CRIM1: variants seen among roughly 807,000 people sequenced by gnomAD.
CRIM1 encodes cysteine-rich motor neuron 1 protein.
CRIM1 carries 32 observed loss-of-function variants against 116.4 expected under a neutral mutation model. That is an observed-to-expected ratio of 0.27 (90% CI 0.21 to 0.37). The LOEUF (loss-of-function observed/expected upper bound fraction) is 0.37. Among genes scored for constraint, CRIM1 ranks in the 10% least tolerant of loss-of-function variants. The probability of loss-of-function intolerance (pLI) is 1.00; values close to 1 mark genes in which losing one functional copy is unlikely to be tolerated. For missense variants in CRIM1, 1,331 were observed against 1,354.8 expected (o/e 0.98, Z 0.28); for synonymous variants, 590 against 509.2 (o/e 1.16, Z -2.13).
At position 36,356,370 on chromosome 2, in the gene CRIM1, G is replaced by A; in HGVS notation, c.78G>A (p.Leu26=). Residue 26 remains leucine (L), a synonymous_variant, in exon 1 of 17, where the codon CTG becomes CTA. Coordinates refer to ENST00000280527, the MANE Select transcript of CRIM1 (RefSeq NM_016441.3). This position sits in a 1 kb window ranked among gnomAD's most constrained non-coding sequence, Gnocchi z 4.3. ...TCTCGCTGCTGGGGCTGCTGCTGCT[G>A]CTGGCGCGCTCCGGCACCCGGGCGC... The part of the protein sequence containing the change: ...LLVSLLGLLL[L]LARSGTRALV... The A allele has an allele frequency of 6.3e-7, 1 of 1,595,516 alleles. No individual in the cohort carries two copies. The highest frequency in any genetic ancestry group is 8.5e-7 in the Non-Finnish European group (1 of 1,173,420).
intron 2 of CRIM1, among the ~76,000 whole-genome samples, chr2:36,418,253 A>C (rs1436305020): frequency 1.2e-4 from 18 of 152,210 alleles, no homozygotes; most frequent in Non-Finnish European, 2.9e-5. Context: ...CCCAGGTAAC[A>C]CGACAGACTC....
At chr2:36,424,776 C>G (rs1674327837) in intron 2 of CRIM1, among the ~76,000 whole-genome samples, 1 of 152,214 alleles carries the variant, frequency 6.6e-6, no homozygotes, top group South Asian at 2.1e-4. Context: ...GTTCCTGCCA[C>G]TCATGAGCCT....
chr2:36,518,314 T>G (rs1364895777), intron 12 of CRIM1, among the ~76,000 whole-genome samples: 1 of 152,260 alleles, frequency 6.6e-6, no homozygotes, highest in East Asian at 1.9e-4. Context: ...TTGTTGTTGC[T>G]TCTTATTCCC....
intron 2 of CRIM1, among the ~76,000 whole-genome samples, chr2:36,421,871 C>G (rs1430261764): frequency 6.6e-6 from 1 of 151,748 alleles, no homozygotes; most frequent in East Asian, 1.9e-4. Context: ...TTTTTCAATG[C>G]CTTTGGTAAT....
chr2:36,545,695 A>G (rs1667275926), intron 15 of CRIM1, among the ~76,000 whole-genome samples: 1 of 152,194 alleles, frequency 6.6e-6, no homozygotes, highest in South Asian at 2.1e-4. Context: ...GAACTGGAAG[A>G]CTGAATTTTG....
At chr2:36,494,963 A>G (rs2125076005) in intron 7 of CRIM1, among the ~76,000 whole-genome samples, 1 of 152,282 alleles carries the variant, frequency 6.6e-6, no homozygotes, top group South Asian at 2.1e-4. Context: ...ACCTCTGTGC[A>G]AGGATTTCCT....
intron 2 of CRIM1, among the ~76,000 whole-genome samples, chr2:36,416,908 C>T (rs1673662994): frequency 6.6e-6 from 1 of 152,236 alleles, no homozygotes; most frequent in Admixed American, 6.5e-5. Context: ...GCATGACCAG[C>T]TGTGCAGCTG....
In CRIM1 at chr2:36,451,312, C is replaced by G. The variant is rs1010900007; in HGVS notation, c.869+8577C>G. Among the ~76,000 whole-genome samples, 4 of 152,182 alleles carry G rather than the reference C, an allele frequency of 2.6e-5. No individual in the cohort carries two copies. In the East Asian group the frequency reaches 7.7e-4, roughly 29 times the overall value. ...AACACACAACATGCACACACACACA[C>G]AGTCATCTGCCCTCAAGGAAAGAAT... is the stretch of plus-strand genomic sequence containing the variant. On this transcript the variant is annotated intron_variant, in intron 4 of 16. Transcript: ENST00000280527.
chr2:36,480,442 T>G (rs1298377030), intron 7 of CRIM1, among the ~76,000 whole-genome samples: 1 of 152,214 alleles, frequency 6.6e-6, no homozygotes, highest in African/African-American at 2.4e-5. Context: ...TATCCAGCAT[T>G]AAGAAGTACA....
intron 2 of CRIM1, among the ~76,000 whole-genome samples, chr2:36,421,358 TACTC>T (rs1456989276): frequency 6.6e-6 from 1 of 152,236 alleles, no homozygotes; most frequent in African/African-American, 2.4e-5. Context: ...TTAAAATGCT[TACTC>T]ACTATTACAA....
At chr2:36,518,731 G>A (rs1181466687) in intron 12 of CRIM1, among the ~76,000 whole-genome samples, 1 of 152,072 alleles carries the variant, frequency 6.6e-6, no homozygotes, top group Non-Finnish European at 1.5e-5. Context: ...CTAATTTGTT[G>A]TCATCACAAT....
chr2:36,539,358 G>A (rs1199041516), intron 14 of CRIM1, among the ~76,000 whole-genome samples: 1 of 152,210 alleles, frequency 6.6e-6, no homozygotes, highest in Non-Finnish European at 1.5e-5. Context: ...TGTTCAGGAG[G>A]AGCTGTGTGG....
chr2:36,383,621 G>C (rs1309052235), intron 1 of CRIM1, among the ~76,000 whole-genome samples: 1 of 152,164 alleles, frequency 6.6e-6, no homozygotes, highest in South Asian at 2.1e-4. Flanking sequence ...ATAGAAATGA[G>C]GGAAGCAGTT....
chr2:36,407,668 G>T (rs1672909855), intron 2 of CRIM1, among the ~76,000 whole-genome samples: 1 of 148,448 alleles, frequency 6.7e-6, no homozygotes, highest in African/African-American at 2.5e-5. Flanking sequence ...AAGTCATACA[G>T]CGACCTTCTG....
intron 8 of CRIM1, among the ~76,000 whole-genome samples, chr2:36,507,993 G>T (rs1035648172): frequency 2.0e-5 from 3 of 152,186 alleles, no homozygotes; most frequent in African/African-American, 7.2e-5. Flanking sequence ...AAGCATTCTT[G>T]TGACAGAAAA....
chr2:36,368,087 C>T (rs563765435), intron 1 of CRIM1, among the ~76,000 whole-genome samples: 2 of 152,332 alleles, frequency 1.3e-5, no homozygotes, highest in Admixed American at 6.5e-5. Context: ...GCCAAATTCT[C>T]CACATTCTTT....
At chr2:36,534,083 G>C (rs930999490) in intron 13 of CRIM1, among the ~76,000 whole-genome samples, 1 of 142,704 alleles carries the variant, frequency 7.0e-6, no homozygotes, top group African/African-American at 2.6e-5. Flanking sequence ...GTGGGAAGGA[G>C]AGAGGGGAAA....
chr2:36,533,866 C>CA (rs1227376528), intron 13 of CRIM1, among the ~76,000 whole-genome samples: 8 of 151,650 alleles, frequency 5.3e-5, no homozygotes, highest in African/African-American at 1.9e-4. Flanking sequence ...TTTAGGTCCA[C>CA]GCTCAGTCTA....
At chr2:36,455,642 C>G (rs564221745) in intron 4 of CRIM1, among the ~76,000 whole-genome samples, 1 of 152,308 alleles carries the variant, frequency 6.6e-6, no homozygotes, top group East Asian at 1.9e-4. Context: ...CAGTGGTCAA[C>G]TTGGAGAATG....
Sources: gnomAD v4.1 joint callset for allele counts (sites outside exome capture counted in the v4.1 genomes callset) on GRCh38, gnomAD v4.1.1 for gene constraint, Gnocchi (gnomAD v3.1) non-coding constraint, MANE v1.5 for transcripts, NCBI Gene and HGNC (gene_info 2026-07-23, HGNC 2026-07-21) for gene names.